The following UQCRC2 variants were observed in gnomAD, a reference collection of about 807,000 sequenced individuals.
The protein encoded by UQCRC2 is cytochrome b-c1 complex subunit 2, mitochondrial.
UQCRC2 carries 49 observed loss-of-function variants against 55.6 expected under a neutral mutation model. The observed-to-expected ratio is 0.88, with a 90% CI of 0.70 to 1.12. UQCRC2 has a LOEUF of 1.12. Among genes scored for constraint, UQCRC2 ranks in the 50% most tolerant of loss-of-function variants. The pLI, the probability that UQCRC2 is intolerant of heterozygous loss-of-function variation, is 0.00. For synonymous variants in UQCRC2, 193 were observed against 192.0 expected, an observed-to-expected ratio of 1.01 and a Z score of -0.04; for missense variants, 506 against 547.8, an observed-to-expected ratio of 0.92 and a Z score of 0.76.
Position 21,972,106 on chromosome 16 carries a change from C to A in UQCRC2, c.950C>A (p.Thr317Asn). 6.2e-7 allele frequency: 1 copy of A among 1,613,690 alleles called. No individual in the cohort carries two copies. Residue 317 changes from threonine to asparagine, a missense_variant, in exon 10 of 14, where the codon ACT becomes AAT. By Grantham distance (65) the Thr-to-Asn change is moderately conservative. Transcript: ENST00000268379. ...CTGCACCAGGCTGTTGCCAAGGCAACTCAGCAGCCATTTGATGTGAGTCTG... is the reference window on the plus strand; with the variant it reads ...CTGCACCAGGCTGTTGCCAAGGCAAATCAGCAGCCATTTGATGTGAGTCTG... ...SHLHQAVAKA[T>N]QQPFDVSAFN...
rs879125508 is a variant in UQCRC2, at chr16:21,971,976, G to C, written c.820G>C (p.Glu274Gln). 1 of 1,614,196 alleles carries C rather than the reference G, an allele frequency of 6.2e-7. No individual in the cohort carries two copies. The change falls in exon 10 of 14, where the codon GAA becomes CAA. Residue 274 changes from glutamate (E) to glutamine (Q), a missense_variant. Coordinates refer to ENST00000268379, the MANE Select transcript of UQCRC2 (RefSeq NM_003366.4). ...TCTTGTCCATGCTGCTTTTGTAGCA[G>C]AAAGTGCTGTCGCGGGAAGTGCAGA... is the stretch of plus-strand genomic sequence containing the variant. ...DSLVHAAFVAESAVAGSAEAN... is the reference protein window; with the variant it reads ...DSLVHAAFVAQSAVAGSAEAN...
At chr16:21,956,533 G>A (rs1469916221) in intron 1 of UQCRC2, among the ~76,000 whole-genome samples, 1 of 152,058 alleles carries the variant, frequency 6.6e-6, no homozygotes, top group African/African-American at 2.4e-5. Context: ...CACAGAGCAC[G>A]ACTCCAACTC....
At position 21,983,326 on chromosome 16, in the gene UQCRC2, G is replaced by A. The variant is rs1295543807; in HGVS notation, c.*155G>A. ...GGTAATTATTCCCAGCTGACCTAAA[G>A]TCAATAAAACATTCTGTTTAAGTGT... is the stretch of plus-strand genomic sequence containing the variant. On this transcript the variant is annotated 3_prime_UTR_variant, in exon 14 of 14. Coordinates refer to ENST00000268379, the MANE Select transcript of UQCRC2 (RefSeq NM_003366.4). 4 of 609,422 alleles carry A rather than the reference G, an allele frequency of 6.6e-6. No homozygotes were observed. The highest frequency in any genetic ancestry group is 7.5e-4 in the Middle Eastern group (2 of 2,682). 37.8% of individuals were successfully genotyped at this position (609,422 alleles called of 1,614,324 possible).
intron 6 of UQCRC2, among the ~76,000 whole-genome samples, chr16:21,964,460 A>G (rs957746415): frequency 2.6e-5 from 4 of 152,160 alleles, no homozygotes; most frequent in South Asian, 2.1e-4. Context: ...GCATATACGT[A>G]TATGGCCTTG....
intron 1 of UQCRC2, among the ~76,000 whole-genome samples, chr16:21,954,816 G>A (rs1481645289): frequency 6.6e-6 from 1 of 151,894 alleles, no homozygotes; most frequent in Non-Finnish European, 1.5e-5. Context: ...GTCAGAGGCA[G>A]GCGGATCACT....
intron 7 of UQCRC2, among the ~76,000 whole-genome samples, chr16:21,967,983 C>CT (rs1381748000): frequency 6.7e-6 from 1 of 149,724 alleles, no homozygotes; most frequent in Non-Finnish European, 1.5e-5. Flanking sequence ...AGTGTATGCT[C>CT]TAATTTCTTT....
intron 5 of UQCRC2, 71 bp from the exon 6 acceptor site, chr16:21,962,690 C>T: frequency 6.2e-7 from 1 of 1,606,772 alleles, no homozygotes; most frequent in Non-Finnish European, 8.5e-7. Context: ...GAGAGCATTA[C>T]AGCTATGTAG....
At chr16:21,980,495 A>C in intron 12 of UQCRC2, 52 bp from the exon 13 acceptor site, 2 of 1,585,856 alleles carry the variant, frequency 1.3e-6, no homozygotes, top group South Asian at 2.3e-5. Context: ...ACTCAGAAAA[A>C]AAAAATAATT....
chr16:21,968,724 T>C, intron 8 of UQCRC2, 39 bp downstream of exon 8: 1 of 1,569,130 alleles, frequency 6.4e-7, no homozygotes, highest in Non-Finnish European at 8.7e-7. Flanking sequence ...GTTTGCTTCC[T>C]TAAGAGCAGT....
At chr16:21,980,872 C>T (rs1277210920) in intron 13 of UQCRC2, among the ~76,000 whole-genome samples, 172 bp downstream of exon 13, 1 of 152,156 alleles carries the variant, frequency 6.6e-6, no homozygotes, top group African/African-American at 2.4e-5. Flanking sequence ...ACAAGCTTCC[C>T]TGTCAGCTCG....
At chr16:21,967,001 C>T (rs1701173606) in intron 7 of UQCRC2, among the ~76,000 whole-genome samples, 1 of 151,994 alleles carries the variant, frequency 6.6e-6, no homozygotes, top group Non-Finnish European at 1.5e-5. Context: ...TAGGACATAC[C>T]AAAAGGTCCC....
At chr16:21,981,711 C>T (rs547403880) in intron 13 of UQCRC2, among the ~76,000 whole-genome samples, 120 of 151,870 alleles carry the variant, frequency 7.9e-4, no homozygotes, top group Non-Finnish European at 1.5e-3. Context: ...TGCAGCGAGC[C>T]GAGATCATGC....
intron 1 of UQCRC2, among the ~76,000 whole-genome samples, chr16:21,955,054 C>CAAAAAAA (rs11388256): frequency 9.8e-6 from 1 of 101,856 alleles, no homozygotes; most frequent in African/African-American, 3.9e-5. Context: ...GACTCCGTCT[C>CAAAAAAA]AAAAAAAAAA....
chr16:21,962,743 T>A lies in UQCRC2; in HGVS notation c.390-18T>A. 6.2e-7 allele frequency: 1 copy of A among 1,613,974 alleles called. No individual in the cohort carries two copies. Among genetic ancestry groups the A allele is most frequent in the South Asian group, 1.1e-5 (1 of 91,066 alleles). On this transcript the variant is annotated intron_variant, in intron 5 of 13. Coordinates refer to ENST00000268379, the MANE Select transcript of UQCRC2 (RefSeq NM_003366.4). The stretch of plus-strand genomic sequence containing the variant: ...TTACATTTTTGACTCATAATTCTTA[T>A]CTCGATGTCTTCTGTAGTGATATTC...
intron 8 of UQCRC2, among the ~76,000 whole-genome samples, chr16:21,969,639 A>C (rs1230575736): frequency 6.6e-6 from 1 of 152,104 alleles, no homozygotes; most frequent in African/African-American, 2.4e-5. Flanking sequence ...TGAGAATATC[A>C]TTTGTAATAT....
In UQCRC2 at chr16:21,982,062, G is replaced by A. The variant is rs192170685; in HGVS notation, c.1279-1026G>A. 4.2e-3 allele frequency among the ~76,000 whole-genome samples: 633 copies of A among 151,872 alleles called. 2 individuals are homozygous for A. The highest frequency in any genetic ancestry group is 7.2e-3 in the Non-Finnish European group (488 of 67,954). ...TTACCATGTTAGCCAGGATGGTCTC[G>A]ATCTCCTGACCTCGTGATCCACCCG... On this transcript the variant is annotated intron_variant, in intron 13 of 13. Transcript: ENST00000268379.
intron 3 of UQCRC2, 73 bp from the exon 4 acceptor site, chr16:21,958,462 T>G: frequency 7.6e-7 from 1 of 1,324,040 alleles, no homozygotes; most frequent in Non-Finnish European, 1.1e-6. Context: ...TCACAACAGA[T>G]TTTGATATAG....
intron 2 of UQCRC2, 41 bp from the exon 3 acceptor site, chr16:21,957,376 A>G (rs1411927510): frequency 1.2e-6 from 2 of 1,613,780 alleles, no homozygotes; most frequent in African/African-American, 2.7e-5. Flanking sequence ...CCTTGGTAAT[A>G]CGAAGACATT....
chr16:21,970,965 ATATAT>A (rs1457785835), intron 8 of UQCRC2, among the ~76,000 whole-genome samples: 2 of 151,690 alleles, frequency 1.3e-5, no homozygotes, highest in Non-Finnish European at 2.9e-5. Flanking sequence ...AAGGTTCTTT[ATATAT>A]TTTGGTTACT....
Sources: gnomAD v4.1 joint callset for allele counts (sites outside exome capture counted in the v4.1 genomes callset) on GRCh38, gnomAD v4.1.1 for gene constraint, MANE v1.5 for transcripts, NCBI Gene and HGNC (gene_info 2026-07-23, HGNC 2026-07-21) for gene names.